The following CDH23 variants were observed in gnomAD, a reference collection of about 807,000 sequenced individuals.
The protein encoded by CDH23 is cadherin-23.
Under a neutral mutation model 317.1 loss-of-function variants are expected in CDH23, and 189 were observed. The observed-to-expected ratio is 0.60, with a 90% CI of 0.53 to 0.67. The LOEUF (loss-of-function observed/expected upper bound fraction) is 0.67. Among genes scored for constraint, CDH23 ranks in the 30% least tolerant of loss-of-function variants. The probability of loss-of-function intolerance (pLI) is 0.00; values close to 1 mark genes in which losing one functional copy is unlikely to be tolerated. For synonymous variants in CDH23, 1,839 were observed against 1,876.8 expected (o/e 0.98, Z 0.52); for missense variants, 4,401 against 4,592.4 (o/e 0.96, Z 1.20).
chr10:71,447,664 AG>A (rs1850237296), intron 3 of CDH23, among the ~76,000 whole-genome samples: 1 of 152,156 alleles, frequency 6.6e-6, no homozygotes, highest in South Asian at 2.1e-4. Context: ...AGGGCTCCCC[AG>A]GAAGAAGGTT....
chr10:71,670,801 T>C (rs1864111506), intron 14 of CDH23, among the ~76,000 whole-genome samples: 1 of 152,100 alleles, frequency 6.6e-6, no homozygotes, highest in Admixed American at 6.6e-5. Flanking sequence ...CTGGGCCTCT[T>C]ATGAGAGCCT....
intron 3 of CDH23, among the ~76,000 whole-genome samples, chr10:71,477,020 C>T (rs527996619): frequency 6.6e-6 from 1 of 152,282 alleles, no homozygotes; most frequent in South Asian, 2.1e-4. Context: ...ACATGACCGA[C>T]CCCTAACTCT....
At chr10:71,784,239 G>T in intron 41 of CDH23, 48 bp from the exon 42 acceptor site, 1 of 1,592,040 alleles carries the variant, frequency 6.3e-7, no homozygotes. Context: ...GGTCTCCACA[G>T]TTCCTGCCAA....
intron 28 of CDH23, chr10:71,715,890 A>T: frequency 7.0e-7 from 1 of 1,428,034 alleles, no homozygotes; most frequent in South Asian, 1.5e-5. Context: ...AGGAGGATCT[A>T]CAGGTAGACC....
At chr10:71,555,514 A>G (rs930786843) in intron 6 of CDH23, among the ~76,000 whole-genome samples, 1 of 152,094 alleles carries the variant, frequency 6.6e-6, no homozygotes, top group Non-Finnish European at 1.5e-5. Context: ...GATGCATGAT[A>G]CCCTCTGCTG....
At chr10:71,474,639 G>A (rs1291311329) in intron 3 of CDH23, among the ~76,000 whole-genome samples, 1 of 152,190 alleles carries the variant, frequency 6.6e-6, no homozygotes, top group Non-Finnish European at 1.5e-5. Context: ...GCACGGGGTG[G>A]GTGAGATGAG....
At chr10:71,707,616 G>A (rs1865839898) in intron 26 of CDH23, 4 of 813,828 alleles carry the variant, frequency 4.9e-6, no homozygotes, top group Non-Finnish European at 6.0e-6. Context: ...CTGCCACAGT[G>A]GTAGGATTGG....
intron 2 of CDH23, among the ~76,000 whole-genome samples, chr10:71,442,294 C>T (rs1052407310): frequency 6.6e-6 from 1 of 152,192 alleles, no homozygotes; most frequent in Non-Finnish European, 1.5e-5. Flanking sequence ...TCACCTCTTT[C>T]TGGTCCCTGT....
chr10:71,812,599 C>T lies in CDH23; in HGVS notation c.9500C>T (p.Thr3167Met), dbSNP rs886044299. 6 of 1,613,958 alleles carry T rather than the reference C, an allele frequency of 3.7e-6. No homozygotes were observed. Among genetic ancestry groups the T allele is most frequent in the Non-Finnish European group, 4.2e-6 (5 of 1,179,896 alleles). ...ATCGCCGACCTGTGGAACAGCCCCA[C>T]GCGCACCCATGTGAGCCAGAGGCGG... ...SEIADLWNSP[T>M]RTHGTFGREP... is the part of the protein sequence containing the mutation. Residue 3167 changes from threonine (T) to methionine (M), a missense_variant, in exon 67 of 70, where the codon ACG becomes ATG. Thr to Met is a moderately conservative substitution (Grantham distance 81). This residue lies in a region of CDH23 where 1,144 missense variants were observed against 1,138.2 expected (regional missense o/e 1.01). Transcript: ENST00000224721.
At chr10:71,670,488 A>G (rs1418246828) in intron 14 of CDH23, among the ~76,000 whole-genome samples, 1 of 152,132 alleles carries the variant, frequency 6.6e-6, no homozygotes, top group Non-Finnish European at 1.5e-5. Flanking sequence ...AGGGATGACG[A>G]GGGGCTCCCG....
chr10:71,465,026 T>C (rs1343158623), intron 3 of CDH23, among the ~76,000 whole-genome samples: 1 of 152,322 alleles, frequency 6.6e-6, no homozygotes, highest in East Asian at 1.9e-4. Flanking sequence ...CTTATTTCAG[T>C]GTGAGATACT....
In CDH23 at chr10:71,800,655, C is replaced by A. The variant is rs373823262; in HGVS notation, c.7382C>A (p.Ser2461Tyr). The A allele has an allele frequency of 3.7e-6, 6 of 1,614,012 alleles. No individual in the cohort carries two copies. In the South Asian group the frequency reaches 6.6e-5, roughly 18 times the overall value. The change falls in exon 53 of 70, where the codon TCT (serine) becomes TAT (tyrosine). Residue 2461 changes from serine (S) to tyrosine (Y), a missense_variant. By Grantham distance (144) the Ser-to-Tyr change is moderately radical. Coordinates refer to ENST00000224721, the MANE Select transcript of CDH23 (RefSeq NM_022124.6). Reference protein sequence around the residue: ...NPTTGDIYVLSSLDREKKDHY... With the variant: ...NPTTGDIYVLYSLDREKKDHY... The stretch of plus-strand genomic sequence containing the variant: ...TACTAGGGTGACATCTATGTGCTGT[C>A]TTCTCTGGACCGGGAGAAGAAGGAC...
intron 44 of CDH23, among the ~76,000 whole-genome samples, chr10:71,786,492 T>TC (rs1841110625): frequency 6.9e-6 from 1 of 144,044 alleles, no homozygotes; most frequent in Non-Finnish European, 1.5e-5. Flanking sequence ...CCTACTCTTT[T>TC]TTTTTTTTTT....
chr10:71,470,128 C>G (rs1031218305), intron 3 of CDH23, among the ~76,000 whole-genome samples: 1 of 152,146 alleles, frequency 6.6e-6, no homozygotes, highest in Non-Finnish European at 1.5e-5. Context: ...CACAGCTGCA[C>G]CCAGCATAAG....
intron 38 of CDH23, among the ~76,000 whole-genome samples, chr10:71,766,074 C>T (rs1263350034): frequency 1.3e-5 from 2 of 152,226 alleles, no homozygotes; most frequent in African/African-American, 4.8e-5. Flanking sequence ...ACGTGCCCCG[C>T]GGACTCCACA....
intron 9 of CDH23, among the ~76,000 whole-genome samples, chr10:71,608,712 C>T (rs893964696): frequency 1.3e-5 from 2 of 152,224 alleles, no homozygotes; most frequent in Admixed American, 6.5e-5. Flanking sequence ...ATTAAAGAAG[C>T]GCACTGCACA....
At chr10:71,545,650 T>C (rs1856233490) in intron 6 of CDH23, among the ~76,000 whole-genome samples, 1 of 152,286 alleles carries the variant, frequency 6.6e-6, no homozygotes, top group Admixed American at 6.5e-5. Flanking sequence ...ACAAAACTGA[T>C]GGAGTCCCTG....
At position 71,578,008 on chromosome 10, in the gene CDH23, GC is replaced by G; in HGVS notation, c.832+20del. The G allele has an allele frequency of 1.3e-6, 2 of 1,580,732 alleles. No homozygotes were observed. Among genetic ancestry groups the G allele is most frequent in the Non-Finnish European group, 1.7e-6 (2 of 1,163,284 alleles). ...ATCGTTTCAGGTAAGACAGAAGGCT[GC>G]CCCTCTCTCCTCTCACCCCTCTGTC... On this transcript the variant is annotated intron_variant, in intron 9 of 69. Coordinates refer to ENST00000224721, the MANE Select transcript of CDH23 (RefSeq NM_022124.6).
chr10:71,804,809 A>G (rs1035377394), intron 55 of CDH23, among the ~76,000 whole-genome samples: 1 of 152,006 alleles, frequency 6.6e-6, no homozygotes, highest in East Asian at 1.9e-4. Context: ...TAACTTGATC[A>G]ATCTTGTTAT....
Sources: gnomAD v4.1 joint callset for allele counts (sites outside exome capture counted in the v4.1 genomes callset) on GRCh38, gnomAD v4.1.1 for gene constraint, gnomAD v4.1.1 regional missense constraint, MANE v1.5 for transcripts, NCBI Gene and HGNC (gene_info 2026-07-23, HGNC 2026-07-21) for gene names.